HPS5: variants seen among roughly 807,000 people sequenced by gnomAD.
The protein encoded by HPS5 is HPS5 biogenesis of lysosomal organelles complex 2 subunit 2, also known as BLOC-2 complex member HPS5.
A neutral mutation model predicts 128.0 loss-of-function variants in HPS5; 83 were observed. That is an observed-to-expected ratio of 0.65 (90% CI 0.54 to 0.78). HPS5 has a LOEUF of 0.78. Ranked by LOEUF, HPS5 falls within the 30% of genes least tolerant of loss-of-function variation. The pLI is 0.00. For missense variants in HPS5, 1,281 were observed against 1,326.2 expected (o/e 0.97, Z 0.53); for synonymous variants, 475 against 470.2 (o/e 1.01, Z -0.13).
chr11:18,304,996 AC>A (rs2134418859), intron 8 of HPS5, among the ~76,000 whole-genome samples: 1 of 152,338 alleles, frequency 6.6e-6, no homozygotes, highest in Admixed American at 6.5e-5. Context: ...TTGTCAGAGT[AC>A]CTATAGGATA....
In HPS5 at chr11:18,299,451, TAAGCCACAAGA is replaced by T. The variant is rs1309824314; in HGVS notation, c.986-492_986-482del. On this transcript the variant is annotated intron_variant, in intron 9 of 22. Transcript: ENST00000349215. ...TTTCAAGGGACATACTTAAGAAATT[TAAGCCACAAGA>T]AAGTCACTGTTGATGAGACCAGTAA... is the stretch of plus-strand genomic sequence containing the variant. Among the ~76,000 whole-genome samples, 12 of 152,242 alleles carry T rather than the reference TAAGCCACAAGA, an allele frequency of 7.9e-5. No individual in the cohort carries two copies. In the South Asian group the frequency reaches 2.5e-3, roughly 31 times the overall value.
At chr11:18,297,797 A>G in intron 10 of HPS5, 80 bp from the exon 11 acceptor site, 1 of 1,400,426 alleles carries the variant, frequency 7.1e-7, no homozygotes. Context: ...AAAGAGGTCT[A>G]GGCCGGGCAC....
At position 18,310,943 on chromosome 11, in the gene HPS5, T is replaced by C. The variant is rs200449378; in HGVS notation, c.285-10A>G. On this transcript the variant is annotated splice_polypyrimidine_tract_variant and intron_variant, in intron 4 of 22. Transcript: ENST00000349215. ...AACCACAAGACCTTGACTGCAAGAA[T>C]TGAGTCACAGAGGCAAACGTGGCAA... 46 of 1,613,554 alleles carry C rather than the reference T, an allele frequency of 2.9e-5. No homozygotes were observed. In the Admixed American group the frequency reaches 3.0e-4, roughly 11 times the overall value.
intron 14 of HPS5, 133 bp from the exon 15 acceptor site, chr11:18,293,109 C>T (rs1457876826): frequency 1.4e-6 from 1 of 734,980 alleles, no homozygotes; most frequent in Non-Finnish European, 2.5e-6. Context: ...GCAACCTCCG[C>T]CTCCCGGGTT....
Position 18,309,429 on chromosome 11 carries a change from G to C in HPS5, c.478-350C>G, listed in dbSNP as rs145352804. On this transcript the variant is annotated intron_variant, in intron 5 of 22. Transcript: ENST00000349215. ...GGAGGCTGAGGCAGAAGAACTGCTT[G>C]AGCCTAGGAGCTTGAGGCTGCAGTG... Among the ~76,000 whole-genome samples the C allele has an allele frequency of 5.3e-3, 810 of 152,312 alleles. 30 individuals are homozygous for C. In the East Asian group the frequency reaches 0.066, roughly 12 times the overall value.
At chr11:18,282,431 CT>C (rs200407814) in intron 21 of HPS5, among the ~76,000 whole-genome samples, 131 of 145,274 alleles carry the variant, frequency 9.0e-4, no homozygotes, top group Admixed American at 8.9e-4. Context: ...TAATTTTTTT[CT>C]TTTTTTTTTT....
At position 18,291,428 on chromosome 11, in the gene HPS5, A is replaced by C. The variant is rs762808142; in HGVS notation, c.2440+14T>G. 2.0e-6 allele frequency: 3 copies of C among 1,510,722 alleles called. No individual in the cohort carries two copies. In the East Asian group the frequency reaches 6.8e-5, roughly 34 times the overall value. 93.6% of individuals were successfully genotyped at this position (1,510,722 alleles called of 1,614,324 possible). A position where few individuals can be genotyped will look rare whatever the true frequency, so the allele number is the denominator to read the frequency against. On this transcript the variant is annotated intron_variant, in intron 16 of 22. Coordinates refer to ENST00000349215, the MANE Select transcript of HPS5 (RefSeq NM_181507.2). ...TACGAATTTCTATCTTTGATAAGGC[A>C]ATCTGAGTATTACCTTTCAATCCTT...
At chr11:18,290,356 A>C (rs1860246836) in intron 16 of HPS5, among the ~76,000 whole-genome samples, 1 of 152,230 alleles carries the variant, frequency 6.6e-6, no homozygotes, top group Admixed American at 6.5e-5. Context: ...TAGCTACCTA[A>C]GATCTCTCTC....
intron 7 of HPS5, 83 bp from the exon 8 acceptor site, chr11:18,305,576 T>C (rs1290119969): frequency 9.4e-7 from 1 of 1,061,512 alleles, no homozygotes; most frequent in Non-Finnish European, 1.4e-6. Flanking sequence ...TAGGGAAATT[T>C]TTGCCTCCAA....
chr11:18,294,926 C>A (rs949683253), intron 14 of HPS5, 94 bp downstream of exon 14: 1 of 1,348,436 alleles, frequency 7.4e-7, no homozygotes, highest in Non-Finnish European at 1.1e-6. Flanking sequence ...ATGAGGCCCA[C>A]GGGCCACAGG....
intron 10 of HPS5, 32 bp from the exon 11 acceptor site, chr11:18,297,749 T>C (rs1861244502): frequency 1.9e-6 from 3 of 1,601,158 alleles, no homozygotes; most frequent in African/African-American, 2.7e-5. Flanking sequence ...GGAATAGCTA[T>C]TTGTAGGTAA....
At position 18,291,757 on chromosome 11, in the gene HPS5, A is replaced by G. The variant is rs1448948194; in HGVS notation, c.2125T>C (p.Cys709Arg). 2.6e-5 allele frequency: 42 copies of G among 1,614,050 alleles called. No homozygotes were observed. The highest frequency in any genetic ancestry group is 3.4e-5 in the Non-Finnish European group (40 of 1,180,010). Reference protein sequence around the residue: ...EESVDKTACECVRSPRESLDD... With the variant: ...EESVDKTACERVRSPRESLDD... ...AAAGACTCCCTTGGACTCCTTACAC[A>G]TTCACATGCTGTTTTATCAACAGAT... The change falls in exon 16 of 23, where the codon TGT becomes CGT. Residue 709 changes from cysteine to arginine, a missense_variant. Transcript: ENST00000349215.
chr11:18,297,583 ACTGCTACAAG>A lies in HPS5; in HGVS notation c.1289_1298del (p.Ala430ValfsTer79). On this transcript the variant is annotated frameshift_variant, in exon 11 of 23. Transcript: ENST00000349215. LOFTEE classifies it high-confidence loss of function. ...CATGTGATGAAATGGAGCTTCTTCT[ACTGCTACAAG>A]CTGAATCCAAAGGTTCAAATTTTAA... 1 of 1,613,968 alleles carries A rather than the reference ACTGCTACAAG, an allele frequency of 6.2e-7. No homozygotes were observed. Among genetic ancestry groups the A allele is most frequent in the Non-Finnish European group, 8.5e-7 (1 of 1,179,908 alleles).
In HPS5 at chr11:18,305,479, T is replaced by C; in HGVS notation, c.839A>G (p.Tyr280Cys). 3 of 1,607,188 alleles carry C rather than the reference T, an allele frequency of 1.9e-6. No individual in the cohort carries two copies. Among genetic ancestry groups the C allele is most frequent in the South Asian group, 2.2e-5 (2 of 90,896 alleles). ...PVITLRSEPQ[Y>C]DHTAGSSQSL... Reference sequence around the variant, plus strand: ...CTGGGAGGATCCAGCTGTATGATCATACTGAGGTTCTGATCTAGAAAGTAA... The same window carrying C: ...CTGGGAGGATCCAGCTGTATGATCACACTGAGGTTCTGATCTAGAAAGTAA... The change falls in exon 8 of 23, where the codon TAT (tyrosine) becomes TGT (cysteine). Residue 280 changes from tyrosine to cysteine, a missense_variant. Transcript: ENST00000349215.
At chr11:18,294,997 G>T (rs376136953) in intron 14 of HPS5, 23 bp downstream of exon 14, 4 of 1,613,462 alleles carry the variant, frequency 2.5e-6, no homozygotes, top group Non-Finnish European at 3.4e-6. Context: ...AGAATGTATA[G>T]AGATTTATGT....
intron 22 of HPS5, chr11:18,280,457 A>C (rs1403714714): frequency 1.1e-5 from 7 of 615,652 alleles, no homozygotes; most frequent in Non-Finnish European, 1.7e-5. Context: ...AAAATGGTGC[A>C]GTCTCTACAG....
intron 10 of HPS5, among the ~76,000 whole-genome samples, chr11:18,298,093 A>T (rs1861291082): frequency 6.6e-6 from 1 of 151,738 alleles, no homozygotes; most frequent in African/African-American, 2.4e-5. Context: ...CTCAAAAAAA[A>T]AAAAAAGAAA....
At chr11:18,300,651 C>T (rs1861588908) in intron 9 of HPS5, among the ~76,000 whole-genome samples, 177 bp downstream of exon 9, 1 of 141,568 alleles carries the variant, frequency 7.1e-6, no homozygotes, top group Admixed American at 7.5e-5. Context: ...GAGCCAAGAT[C>T]GCACCAGTGC....
chr11:18,310,771 A>G lies in HPS5; in HGVS notation c.447T>C (p.Ala149=). 9.3e-6 allele frequency: 15 copies of G among 1,614,130 alleles called. No individual in the cohort carries two copies. Among genetic ancestry groups the G allele is most frequent in the Non-Finnish European group, 1.3e-5 (15 of 1,179,952 alleles). Residue 149 remains alanine, a synonymous_variant, in exon 5 of 23, where the codon GCT becomes GCC. Transcript: ENST00000349215. The part of the protein sequence containing the change: ...FVGDHAGKVS[A]IKLNTSKQAK... ...CTTGTTTAGAAGTATTGAGTTTGAT[A>G]GCAGAAACCTTCCCAGCATGATCAC...
Sources: gnomAD v4.1 joint callset for allele counts (sites outside exome capture counted in the v4.1 genomes callset) on GRCh38, gnomAD v4.1.1 for gene constraint, MANE v1.5 for transcripts, NCBI Gene and HGNC (gene_info 2026-07-23, HGNC 2026-07-21) for gene names.